The following INSR variants were observed in gnomAD, a reference collection of about 807,000 sequenced individuals.
INSR encodes the protein IR.
In INSR, 67 loss-of-function variants were observed where a neutral mutation model predicts 142.6. The ratio of observed to expected loss-of-function variants is 0.47; its 90% CI spans 0.39 to 0.58. The LOEUF (loss-of-function observed/expected upper bound fraction) is 0.58, where lower values mean the gene tolerates loss of function less well. Among genes scored for constraint, INSR ranks in the 20% least tolerant of loss-of-function variants. The pLI is 0.00. For synonymous variants in INSR, 756 were observed against 743.1 expected (o/e 1.02, Z -0.28); for missense variants, 1,248 against 1,833.2 (o/e 0.68, Z 5.83).
chr19:7,244,848 T>C (rs957772988), intron 2 of INSR, among the ~76,000 whole-genome samples: 1 of 152,084 alleles, frequency 6.6e-6, no homozygotes, highest in South Asian at 2.1e-4. Context: ...CGAGCTGCAC[T>C]TTTTTTCCTC....
At chr19:7,162,573 G>A (rs1003238990) in intron 9 of INSR, among the ~76,000 whole-genome samples, 1 of 151,454 alleles carries the variant, frequency 6.6e-6, no homozygotes, top group East Asian at 2.0e-4. Flanking sequence ...CACTTTGGGA[G>A]GCCAAGGTGG....
rs1306750728 is a variant in INSR, at chr19:7,114,940, A to C, written c.*2116T>G. On this transcript the variant is annotated 3_prime_UTR_variant, in exon 22 of 22. Transcript: ENST00000302850. ...TTTTTAAATTTAGGTACAGACCCTC[A>C]TATTTACAAAATAAATTTGGCAAAA... 1 of 152,000 alleles carries C rather than the reference A, an allele frequency of 6.6e-6. No homozygotes were observed. Among genetic ancestry groups the C allele is most frequent in the Non-Finnish European group, 1.5e-5 (1 of 68,012 alleles). 9.4% of individuals were successfully genotyped at this position (152,000 alleles called of 1,614,324 possible). A position where few individuals can be genotyped will look rare whatever the true frequency, so the allele number is the denominator to read the frequency against.
At chr19:7,197,438 G>A (rs550946263) in intron 2 of INSR, among the ~76,000 whole-genome samples, 1 of 152,324 alleles carries the variant, frequency 6.6e-6, no homozygotes, top group Non-Finnish European at 1.5e-5. Flanking sequence ...GCACGCAGAG[G>A]CCCGGAAGGA....
chr19:7,244,129 C>CT (rs1976451928), intron 2 of INSR, among the ~76,000 whole-genome samples: 1 of 152,092 alleles, frequency 6.6e-6, no homozygotes, highest in Non-Finnish European at 1.5e-5. Context: ...GGTAAATATG[C>CT]TATTCATAGT....
Position 7,119,636 on chromosome 19 carries a change from A to G in INSR, c.3660-53T>C, listed in dbSNP as rs1972427760. 4 of 1,603,436 alleles carry G rather than the reference A, an allele frequency of 2.5e-6. No individual in the cohort carries two copies. The African/African-American group carries it at 5.4e-5, about 21-fold the overall frequency. Reference sequence around the variant, plus strand: ...AAAGAAGCCATTTAGACACACACACACACGCGCGCGCGCAAACACACACAC... The same window carrying G: ...AAAGAAGCCATTTAGACACACACACGCACGCGCGCGCGCAAACACACACAC... On this transcript the variant is annotated intron_variant, in intron 20 of 21. Coordinates refer to ENST00000302850, the MANE Select transcript of INSR (RefSeq NM_000208.4). The surrounding 1 kb of genome is among the most constrained non-coding windows in gnomAD (Gnocchi z 5.2).
At chr19:7,143,336 C>T (rs1310174043) in intron 11 of INSR, among the ~76,000 whole-genome samples, 3 of 152,104 alleles carry the variant, frequency 2.0e-5, no homozygotes, top group Admixed American at 6.6e-5. Flanking sequence ...CTTCTAAGAC[C>T]GTCAATGGTA....
intron 2 of INSR, among the ~76,000 whole-genome samples, chr19:7,238,126 G>A (rs1976220613): frequency 6.6e-6 from 1 of 152,184 alleles, no homozygotes; most frequent in East Asian, 1.9e-4. Flanking sequence ...AAGAGACCAG[G>A]ATTGAATGTA....
chr19:7,208,999 T>TA (rs202099196), intron 2 of INSR, among the ~76,000 whole-genome samples: 12,394 of 145,268 alleles, frequency 0.085, 670 homozygotes, highest in Middle Eastern at 0.13. Flanking sequence ...AAGACTCCAT[T>TA]AAAAAAAAAA....
At position 7,141,642 on chromosome 19, in the gene INSR, TGTGCAGGGGCATGCCCAAGA is replaced by T. The variant is rs764550934; in HGVS notation, c.2682+15_2682+34del. 1 of 1,613,392 alleles carries T rather than the reference TGTGCAGGGGCATGCCCAAGA, an allele frequency of 6.2e-7. No homozygotes were observed. Among genetic ancestry groups the T allele is most frequent in the South Asian group, 1.1e-5 (1 of 90,914 alleles). ...GCAACTCTGAAGGGGCATGCTGAAG[TGTGCAGGGGCATGCCCAAGA>T]GTCAAGGGCCTTACCTCATCACCAT... is the stretch of plus-strand genomic sequence containing the variant. On this transcript the variant is annotated intron_variant, in intron 13 of 21. Transcript: ENST00000302850.
In INSR at chr19:7,227,369, C is replaced by T. The variant is rs1231042011; in HGVS notation, c.652+39976G>A. Among the ~76,000 whole-genome samples, 2 of 151,964 alleles carry T rather than the reference C, an allele frequency of 1.3e-5. 1 individual carries two copies. Among genetic ancestry groups the T allele is most frequent in the South Asian group, 4.2e-4 (2 of 4,812 alleles). ...CTCACCGCAGCCTCAACCTCCTGAG[C>T]TCAAGCAATCCTCTCAACTCAGCCT... is the stretch of plus-strand genomic sequence containing the variant. On this transcript the variant is annotated intron_variant, in intron 2 of 21. Transcript: ENST00000302850.
chr19:7,141,461 A>G (rs1973067725), intron 13 of INSR: 3 of 611,802 alleles, frequency 4.9e-6, no homozygotes, highest in Non-Finnish European at 8.7e-6. Context: ...CTGGAAAGCA[A>G]TGTGAGAAAC....
At chr19:7,209,113 T>C (rs905283122) in intron 2 of INSR, among the ~76,000 whole-genome samples, 24 of 152,140 alleles carry the variant, frequency 1.6e-4, no homozygotes, top group African/African-American at 5.8e-4. Context: ...TGAGCCAAGA[T>C]TGTGCCACTG....
rs79490496 is a variant in INSR at position 7,141,785 on chromosome 19, C to T, written c.2574G>A (p.Thr858=). The T allele has an allele frequency of 3.6e-5, 58 of 1,614,010 alleles. No homozygotes were observed. The Admixed American group carries it at 3.8e-4, about 11-fold the overall frequency. Residue 858 remains threonine (T), a synonymous_variant, in exon 13 of 22, where the codon ACG becomes ACA. Transcript: ENST00000302850. The part of the protein sequence containing the change: ...AKADDIVGPV[T]HEIFENNVVH... Reference sequence around the variant, plus strand: ...CGACGTTGTTCTCAAAGATTTCATGCGTCACAGGGCCAACAATGTCATCAG... The same window carrying T: ...CGACGTTGTTCTCAAAGATTTCATGTGTCACAGGGCCAACAATGTCATCAG...
In INSR at chr19:7,172,445, G is replaced by C. The variant is rs374865365; in HGVS notation, c.1124-11C>G. ...CAGCTGCCAGATTGTCTAAGGAAAGGAGAGAATATCCAGTGGGTTTCTATA... is the reference window on the plus strand; with the variant it reads ...CAGCTGCCAGATTGTCTAAGGAAAGCAGAGAATATCCAGTGGGTTTCTATA... On this transcript the variant is annotated splice_polypyrimidine_tract_variant and intron_variant, in intron 4 of 21. Transcript: ENST00000302850. 1 of 1,613,584 alleles carries C rather than the reference G, an allele frequency of 6.2e-7. No homozygotes were observed. Among genetic ancestry groups the C allele is most frequent in the Non-Finnish European group, 8.5e-7 (1 of 1,179,722 alleles).
rs141840110 is a variant in INSR, at chr19:7,147,419, C to A, written c.2267+3078G>T. Among the ~76,000 whole-genome samples the A allele has an allele frequency of 1.6e-3, 247 of 152,238 alleles. 4 individuals are homozygous for A. In the East Asian group the frequency reaches 0.027, roughly 17 times the overall value. On this transcript the variant is annotated intron_variant, in intron 11 of 21. Transcript: ENST00000302850. Reference sequence around the variant, plus strand: ...CAAACTCCTGACCTCAGGTGATCCGCCTGCCTGGGCCTCCCAAAGTGCTGC... The same window carrying A: ...CAAACTCCTGACCTCAGGTGATCCGACTGCCTGGGCCTCCCAAAGTGCTGC...
intron 2 of INSR, among the ~76,000 whole-genome samples, chr19:7,244,152 C>T (rs1485375407): frequency 1.3e-5 from 2 of 152,110 alleles, no homozygotes; most frequent in Non-Finnish European, 2.9e-5. Flanking sequence ...CCATAACTAA[C>T]ACAACAAAAC....
At chr19:7,162,206 A>C (rs906422119) in intron 9 of INSR, among the ~76,000 whole-genome samples, 7 of 151,868 alleles carry the variant, frequency 4.6e-5, no homozygotes, top group African/African-American at 1.7e-4. Context: ...AGGCGCCTGT[A>C]GTCCCAGCTA....
intron 2 of INSR, among the ~76,000 whole-genome samples, chr19:7,197,299 C>G (rs1445885717): frequency 6.6e-6 from 1 of 151,786 alleles, no homozygotes; most frequent in Non-Finnish European, 1.5e-5. Flanking sequence ...TCGGGAGCCG[C>G]AGGCTTCTTC....
intron 2 of INSR, among the ~76,000 whole-genome samples, chr19:7,237,757 A>G (rs925980606): frequency 7.8e-4 from 119 of 152,246 alleles, no homozygotes; most frequent in Middle Eastern, 3.4e-3. Context: ...TGGAGCTTAC[A>G]GTGAGCGAAG....
Sources: allele counts gnomAD v4.1 joint callset (sites outside exome capture counted in the v4.1 genomes callset), GRCh38; gene constraint gnomAD v4.1.1; non-coding constraint Gnocchi (gnomAD v3.1); transcripts MANE v1.5; gene names NCBI Gene and HGNC (gene_info 2026-07-23, HGNC 2026-07-21).